The following PTPRM variants were observed in gnomAD, a reference collection of about 807,000 sequenced individuals.
PTPRM encodes the protein protein tyrosine phosphatase receptor type M.
PTPRM carries 47 observed loss-of-function variants against 186.7 expected under a neutral mutation model. The ratio of observed to expected loss-of-function variants is 0.25; its 90% CI spans 0.20 to 0.32. PTPRM has a LOEUF of 0.32. Among genes scored for constraint, PTPRM ranks in the 10% least tolerant of loss-of-function variants. The probability of loss-of-function intolerance (pLI) is 1.00; values close to 1 mark genes in which losing one functional copy is unlikely to be tolerated. For missense variants in PTPRM, 1,494 were observed against 1,865.0 expected, an observed-to-expected ratio of 0.80 and a Z score of 3.66; for synonymous variants, 668 against 674.9, an observed-to-expected ratio of 0.99 and a Z score of 0.16.
intron 3 of PTPRM, among the ~76,000 whole-genome samples, chr18:7,904,774 A>G (rs2049887512): frequency 6.6e-6 from 1 of 152,158 alleles, no homozygotes; most frequent in African/African-American, 2.4e-5. Context: ...TGTGGGATGA[A>G]TCTCCAAGAG....
At chr18:7,724,722 T>A (rs550657407) in intron 1 of PTPRM, among the ~76,000 whole-genome samples, 34 of 152,336 alleles carry the variant, frequency 2.2e-4, no homozygotes, top group African/African-American at 8.2e-4. Context: ...TAGCAGAGAT[T>A]AAGAAAGTAG....
At chr18:8,028,982 G>A (rs1439907056) in intron 7 of PTPRM, among the ~76,000 whole-genome samples, 1 of 152,200 alleles carries the variant, frequency 6.6e-6, no homozygotes, top group Non-Finnish European at 1.5e-5. Context: ...CTCAGGAAAT[G>A]AATGTGTAGG....
intron 20 of PTPRM, among the ~76,000 whole-genome samples, chr18:8,297,430 C>T (rs1203963904): frequency 6.6e-6 from 1 of 152,174 alleles, no homozygotes; most frequent in Non-Finnish European, 1.5e-5. Context: ...TACAGATTGT[C>T]TACCAGTGCT....
chr18:7,799,943 TCCTTA>T (rs900351966), intron 2 of PTPRM, among the ~76,000 whole-genome samples: 5 of 152,196 alleles, frequency 3.3e-5, no homozygotes, highest in African/African-American at 1.2e-4. Context: ...CTTTATGCTG[TCCTTA>T]CCTTTAACTG....
intron 5 of PTPRM, among the ~76,000 whole-genome samples, chr18:7,943,150 G>T (rs75845525): frequency 0.022 from 3,284 of 152,014 alleles, 46 homozygotes; most frequent in African/African-American, 0.045. Context: ...CTCTCCTGTT[G>T]CCTCACCCAG....
chr18:8,021,732 T>A (rs949191060), intron 7 of PTPRM, among the ~76,000 whole-genome samples: 2 of 152,134 alleles, frequency 1.3e-5, no homozygotes, highest in African/African-American at 4.8e-5. Context: ...ATGGTGTATT[T>A]GTACCACATT....
At chr18:8,098,162 G>A (rs761339404) in intron 11 of PTPRM, among the ~76,000 whole-genome samples, 85 of 152,226 alleles carry the variant, frequency 5.6e-4, no homozygotes, top group Middle Eastern at 3.4e-3. Context: ...CACAAAGATG[G>A]AATGGCCTAA....
intron 1 of PTPRM, among the ~76,000 whole-genome samples, chr18:7,706,601 C>CAAAAAAAAAAAAAAAAAAAAAAAAAAA (rs766639399): frequency 6.2e-5 from 1 of 16,130 alleles, no homozygotes; most frequent in Non-Finnish European, 1.3e-4. Flanking sequence ...GACCTTGTCT[C>CAAAAAAAAAAAAAAAAAAAAAAAAAAA]AAAAAAAAAA....
chr18:8,022,051 A>G (rs1319903382), intron 7 of PTPRM, among the ~76,000 whole-genome samples: 1 of 152,220 alleles, frequency 6.6e-6, no homozygotes, highest in Non-Finnish European at 1.5e-5. Flanking sequence ...TAATGAAAAA[A>G]GGAAAATAAG....
At chr18:8,226,096 C>G (rs1186294881) in intron 14 of PTPRM, among the ~76,000 whole-genome samples, 5 of 152,064 alleles carry the variant, frequency 3.3e-5, no homozygotes, top group African/African-American at 1.2e-4. Flanking sequence ...TTTCACCCAT[C>G]AGATTGAGGA....
chr18:8,250,515 C>G (rs916510001), intron 17 of PTPRM, among the ~76,000 whole-genome samples: 8 of 151,972 alleles, frequency 5.3e-5, no homozygotes, highest in Admixed American at 1.3e-4. Flanking sequence ...CTATATAGTG[C>G]AAGCATGTAA....
intron 6 of PTPRM, among the ~76,000 whole-genome samples, chr18:7,952,134 T>C (rs1045125094): frequency 1.3e-5 from 2 of 152,266 alleles, no homozygotes; most frequent in Non-Finnish European, 2.9e-5. Flanking sequence ...ATATTTCATA[T>C]GTAAACATAT....
intron 14 of PTPRM, among the ~76,000 whole-genome samples, chr18:8,242,243 C>T (rs75912538): frequency 0.012 from 1,811 of 152,268 alleles, 35 homozygotes; most frequent in African/African-American, 0.041. Context: ...CAAAGAAATT[C>T]AAGCAAAAAG....
chr18:7,701,196 C>T lies in PTPRM; in HGVS notation c.74-72953C>T, dbSNP rs1367730426. Among the ~76,000 whole-genome samples the T allele has an allele frequency of 4.0e-5, 6 of 149,512 alleles. No individual in the cohort carries two copies. In the South Asian group the frequency reaches 6.4e-4, roughly 16 times the overall value. ...GCATGTGCCTGTAGTCCCAGCTACT[C>T]GGGAGGCTGAGGCAGGAGAATTGCT... On this transcript the variant is annotated intron_variant, in intron 1 of 32. Transcript: ENST00000580170.
At chr18:8,266,143 C>T (rs2094697925) in intron 19 of PTPRM, among the ~76,000 whole-genome samples, 1 of 152,150 alleles carries the variant, frequency 6.6e-6, no homozygotes, top group African/African-American at 2.4e-5. Flanking sequence ...CACACCCCAT[C>T]TCCAAAACAC....
At chr18:8,374,676 C>G (rs151046347) in intron 24 of PTPRM, among the ~76,000 whole-genome samples, 1 of 152,182 alleles carries the variant, frequency 6.6e-6, no homozygotes. Flanking sequence ...TGTGAATCCC[C>G]GACTGCTTAA....
In PTPRM at chr18:8,126,004, TATATATATATATATATA is replaced by T. The variant is rs1364650245; in HGVS notation, c.2167+11178_2167+11194del. On this transcript the variant is annotated intron_variant, in intron 13 of 32. Transcript: ENST00000580170. Reference sequence around the variant, plus strand: ...ATATATATATATATATATATATATATATATATATATATATATATATATATTTTAAATCAGTAGACCTT... The same window carrying T: ...ATATATATATATATATATATATATATTATATATTTTAAATCAGTAGACCTT... Among the ~76,000 whole-genome samples, 38 of 36,932 alleles carry T rather than the reference TATATATATATATATATA, an allele frequency of 1.0e-3. 5 individuals are homozygous for T. The highest frequency in any genetic ancestry group is 1.6e-3 in the East Asian group (1 of 630). The allele number at this position is 36,932 out of a possible 152,430, so 24.2% of individuals were successfully genotyped here.
chr18:8,151,064 C>T (rs955232917), intron 14 of PTPRM, among the ~76,000 whole-genome samples: 5 of 152,190 alleles, frequency 3.3e-5, no homozygotes, highest in African/African-American at 1.2e-4. Context: ...AGGTGTCTGT[C>T]GGCCCCTACT....
chr18:7,784,700 C>T (rs1216664723), intron 2 of PTPRM, among the ~76,000 whole-genome samples: 1 of 152,230 alleles, frequency 6.6e-6, no homozygotes. Flanking sequence ...CTGAATAAAA[C>T]AGTAAATTCA....
Sources: gnomAD v4.1 joint callset for allele counts (sites outside exome capture counted in the v4.1 genomes callset) on GRCh38, gnomAD v4.1.1 for gene constraint, MANE v1.5 for transcripts, NCBI Gene and HGNC (gene_info 2026-07-23, HGNC 2026-07-21) for gene names.